Variants in CWC27 observed in about 807,000 individuals in gnomAD.
CWC27 encodes the protein spliceosome-associated protein CWC27 homolog.
CWC27 carries 47 observed loss-of-function variants against 63.6 expected under a neutral mutation model. The observed-to-expected ratio is 0.74, with a 90% confidence interval of 0.58 to 0.94. The LOEUF is 0.94. CWC27 is among the 40% of genes least tolerant of loss of function. The probability of loss-of-function intolerance (pLI) is 0.00; values close to 1 mark genes in which losing one functional copy is unlikely to be tolerated. For missense variants in CWC27, 495 were observed against 554.3 expected (o/e 0.89, Z 1.07); for synonymous variants, 175 against 179.8 (o/e 0.97, Z 0.22).
intron 10 of CWC27, among the ~76,000 whole-genome samples, chr5:64,810,715 G>A (rs1744851532): frequency 6.6e-6 from 1 of 151,918 alleles, no homozygotes; most frequent in Admixed American, 6.6e-5. Flanking sequence ...TCAAAGCTCT[G>A]TAGATATTCT....
chr5:64,845,705 GA>G (rs1471931667), intron 10 of CWC27, among the ~76,000 whole-genome samples: 8 of 152,110 alleles, frequency 5.3e-5, no homozygotes, highest in Admixed American at 3.3e-4. Flanking sequence ...ACAAAAGAGT[GA>G]AAAAGAATGA....
chr5:64,924,594 T>G (rs1305740027), intron 11 of CWC27, among the ~76,000 whole-genome samples: 1 of 152,106 alleles, frequency 6.6e-6, no homozygotes, highest in Non-Finnish European at 1.5e-5. Flanking sequence ...TGTCAAATTA[T>G]CACCCCAAAT....
intron 11 of CWC27, among the ~76,000 whole-genome samples, chr5:64,949,770 A>G (rs1484222070): frequency 6.6e-6 from 1 of 151,972 alleles, no homozygotes; most frequent in Non-Finnish European, 1.5e-5. Context: ...TGCCTTTTCT[A>G]TCTAATGAAT....
chr5:64,780,717 A>ACC (rs1204485232), intron 2 of CWC27, among the ~76,000 whole-genome samples: 1 of 150,850 alleles, frequency 6.6e-6, no homozygotes, highest in East Asian at 1.9e-4. Context: ...ACACACACAC[A>ACC]CCGGAATCAT....
At chr5:64,906,366 C>A (rs2112371305) in intron 11 of CWC27, among the ~76,000 whole-genome samples, 1 of 152,324 alleles carries the variant, frequency 6.6e-6, no homozygotes, top group Non-Finnish European at 1.5e-5. Context: ...GCCATTCTAA[C>A]TGCTGTGAGA....
intron 10 of CWC27, among the ~76,000 whole-genome samples, chr5:64,859,586 A>G (rs747919774): frequency 5.3e-5 from 8 of 152,224 alleles, no homozygotes; most frequent in Admixed American, 1.3e-4. Context: ...AAGAATTGAT[A>G]GTAGAATGGC....
chr5:64,776,495 A>T (rs1455853613), intron 2 of CWC27, among the ~76,000 whole-genome samples: 1 of 152,138 alleles, frequency 6.6e-6, no homozygotes, highest in Non-Finnish European at 1.5e-5. Flanking sequence ...TATTTATAAT[A>T]ATGCAAGGAG....
At chr5:64,941,816 A>ATG (rs1000661726) in intron 11 of CWC27, among the ~76,000 whole-genome samples, 1 of 151,962 alleles carries the variant, frequency 6.6e-6, no homozygotes, top group African/African-American at 2.4e-5. Context: ...TCAGATAGAT[A>ATG]TGGGCTTCAT....
intron 10 of CWC27, among the ~76,000 whole-genome samples, chr5:64,858,463 A>AAAC (rs1554072946): frequency 1.4e-4 from 21 of 146,550 alleles, no homozygotes; most frequent in Non-Finnish European, 7.5e-5. Flanking sequence ...CTCCATCTCA[A>AAAC]AATAATAATA....
rs774703120 is a variant in CWC27, at chr5:64,781,911, T to C, written c.140-10T>C. ...TAGACATTGATAAATTATTTTTATT[T>C]TTTTTTCAGCTTATTATGACAATAC... On this transcript the variant is annotated splice_polypyrimidine_tract_variant and intron_variant, in intron 2 of 13. Transcript: ENST00000381070. 2 of 1,415,686 alleles carry C rather than the reference T, an allele frequency of 1.4e-6. No individual in the cohort carries two copies. The highest frequency in any genetic ancestry group is 2.0e-6 in the Non-Finnish European group (2 of 1,014,828). The allele number at this position is 1,415,686 out of a possible 1,614,324, so 87.7% of individuals were successfully genotyped here. A position where few individuals can be genotyped will look rare whatever the true frequency, so the allele number is the denominator to read the frequency against.
chr5:64,854,994 T>C (rs1746218185), intron 10 of CWC27, among the ~76,000 whole-genome samples: 1 of 152,172 alleles, frequency 6.6e-6, no homozygotes, highest in South Asian at 2.1e-4. Flanking sequence ...TAGAATTGTG[T>C]TGTTTACTTT....
At position 64,839,884 on chromosome 5, in the gene CWC27, TTGAG is replaced by T. The variant is rs998632766; in HGVS notation, c.938+35502_938+35505del. 1.0e-3 allele frequency among the ~76,000 whole-genome samples: 158 copies of T among 151,940 alleles called. 1 individual carries two copies. Among genetic ancestry groups the T allele is most frequent in the African/African-American group, 3.7e-3 (152 of 41,440 alleles). ...AGTGGCAACTTGACATGGGAACTGA[TTGAG>T]TGACCAAAGAGGAAGCAGCCAAAGA... On this transcript the variant is annotated intron_variant, in intron 10 of 13. Coordinates refer to ENST00000381070, the MANE Select transcript of CWC27 (RefSeq NM_005869.4).
At chr5:64,925,067 T>A (rs1345429660) in intron 11 of CWC27, among the ~76,000 whole-genome samples, 5 of 152,180 alleles carry the variant, frequency 3.3e-5, no homozygotes, top group African/African-American at 1.2e-4. Flanking sequence ...GCAATAAATC[T>A]GTTATTTAAA....
At chr5:64,823,648 T>C (rs1370040430) in intron 10 of CWC27, among the ~76,000 whole-genome samples, 1 of 152,162 alleles carries the variant, frequency 6.6e-6, no homozygotes, top group Non-Finnish European at 1.5e-5. Context: ...AAGTAATACA[T>C]TAAAAAGTAC....
intron 11 of CWC27, among the ~76,000 whole-genome samples, chr5:64,912,199 C>G (rs1389698129): frequency 6.6e-6 from 1 of 151,976 alleles, no homozygotes; most frequent in Non-Finnish European, 1.5e-5. Context: ...CCTTTAGGCA[C>G]TGGTAGAAGC....
At chr5:65,014,924 A>G (rs948050902) in intron 13 of CWC27, among the ~76,000 whole-genome samples, 9 of 152,190 alleles carry the variant, frequency 5.9e-5, no homozygotes, top group African/African-American at 2.2e-4. Context: ...AAGTATTATG[A>G]TATTAAAGCT....
intron 12 of CWC27, among the ~76,000 whole-genome samples, chr5:64,975,562 T>G (rs994425814): frequency 3.9e-5 from 6 of 152,106 alleles, no homozygotes; most frequent in Admixed American, 6.5e-5. Context: ...TGGAGTAGAC[T>G]GTTAAGACCT....
intron 10 of CWC27, among the ~76,000 whole-genome samples, chr5:64,838,133 T>C (rs576054322): frequency 3.9e-5 from 6 of 152,344 alleles, no homozygotes; most frequent in African/African-American, 1.4e-4. Context: ...TTGCTTTTAC[T>C]ATCTTAGTTT....
chr5:64,900,354 T>C (rs1747472465), intron 11 of CWC27, among the ~76,000 whole-genome samples: 1 of 152,248 alleles, frequency 6.6e-6, no homozygotes, highest in African/African-American at 2.4e-5. Context: ...CATCCGTATA[T>C]ATTCTTTGGT....
Sources: gnomAD v4.1 joint callset for allele counts (sites outside exome capture counted in the v4.1 genomes callset) on GRCh38, gnomAD v4.1.1 for gene constraint, MANE v1.5 for transcripts, NCBI Gene and HGNC (gene_info 2026-07-23, HGNC 2026-07-21) for gene names.